SAMD3: variants seen among roughly 807,000 people sequenced by gnomAD.
The protein encoded by SAMD3 is sterile alpha motif domain containing 3.
SAMD3 carries 63 observed loss-of-function variants against 58.5 expected under a neutral mutation model. The ratio of observed to expected loss-of-function variants is 1.08; its 90% CI spans 0.88 to 1.33. The LOEUF is 1.33. Ranked by LOEUF, SAMD3 falls within the 40% of genes most tolerant of loss-of-function variation. The pLI is 0.00. For missense variants in SAMD3, 604 were observed against 608.4 expected (o/e 0.99, Z 0.08); for synonymous variants, 220 against 210.3 (o/e 1.05, Z -0.40).
Position 130,242,194 on chromosome 6 carries a change from G to T in SAMD3, c.-187-19381C>A, listed in dbSNP as rs372560294. Among the ~76,000 whole-genome samples, 460 of 152,264 alleles carry T rather than the reference G, an allele frequency of 3.0e-3. 3 individuals carry two copies. Among genetic ancestry groups the T allele is most frequent in the African/African-American group, 0.01 (430 of 41,534 alleles). Reference sequence around the variant, plus strand: ...ATCTAAAGCCTATCAAGGGAGAATAGGTTGGCAATTTTTTTTTCTATAAAG... The same window carrying T: ...ATCTAAAGCCTATCAAGGGAGAATATGTTGGCAATTTTTTTTTCTATAAAG... On this transcript the variant is annotated intron_variant, in intron 2 of 13. Transcript: ENST00000368134.
chr6:130,292,263 CTTTCTTTCT>C (rs1775388876), intron 2 of SAMD3, among the ~76,000 whole-genome samples: 3 of 125,824 alleles, frequency 2.4e-5, no homozygotes, highest in South Asian at 2.6e-4. Context: ...CTTTTTTTTT[CTTTCTTTCT>C]TTTTTTTTTT....
chr6:130,206,839 G>A (rs1041701508), intron 5 of SAMD3, among the ~76,000 whole-genome samples: 6 of 152,100 alleles, frequency 3.9e-5, no homozygotes, highest in Non-Finnish European at 8.8e-5. Flanking sequence ...TTAAGTGTGG[G>A]GCTGGTCCTT....
At chr6:130,334,601 CCTT>C (rs1199824331) in intron 1 of SAMD3, among the ~76,000 whole-genome samples, 1 of 152,208 alleles carries the variant, frequency 6.6e-6, no homozygotes, top group Non-Finnish European at 1.5e-5. Context: ...CTGAGATTCA[CCTT>C]CTTGATATAT....
At chr6:130,351,495 A>G (rs947709764) in intron 1 of SAMD3, among the ~76,000 whole-genome samples, 9 of 152,242 alleles carry the variant, frequency 5.9e-5, no homozygotes, top group Non-Finnish European at 1.3e-4. Context: ...ATCACTGGCC[A>G]TCAGAGAAAT....
Position 130,144,464 on chromosome 6 carries a change from C to CTT in SAMD3, c.*54_*55dup. 6.5e-7 allele frequency: 1 copy of CTT among 1,544,550 alleles called. No individual in the cohort carries two copies. The highest frequency in any genetic ancestry group is 8.8e-7 in the Non-Finnish European group (1 of 1,140,788). Reference sequence around the variant, plus strand: ...CCACAACCCTAAATCAAAACAATTTCTTATGAAGCTTCAGTTTTCCCAGAG... The same window carrying CTT: ...CCACAACCCTAAATCAAAACAATTTCTTTTATGAAGCTTCAGTTTTCCCAGAG... On this transcript the variant is annotated 3_prime_UTR_variant, in exon 12 of 12. Transcript: ENST00000439090.
chr6:130,182,609 AAGG>A (rs758657089), intron 7 of SAMD3, among the ~76,000 whole-genome samples: 19 of 149,666 alleles, frequency 1.3e-4, no homozygotes, highest in Admixed American at 2.0e-4. Flanking sequence ...GGAAGAAAGG[AAGG>A]AGGGAAGAAA....
At chr6:130,342,819 T>C (rs1367588713) in intron 1 of SAMD3, among the ~76,000 whole-genome samples, 2 of 152,194 alleles carry the variant, frequency 1.3e-5, no homozygotes, top group Non-Finnish European at 2.9e-5. Flanking sequence ...TATTCAAATC[T>C]GATAAAATTC....
At chr6:130,343,821 C>T (rs1055976985) in intron 1 of SAMD3, among the ~76,000 whole-genome samples, 2 of 151,882 alleles carry the variant, frequency 1.3e-5, no homozygotes, top group Non-Finnish European at 2.9e-5. Flanking sequence ...AAAAATTAAC[C>T]GGGCATGGTG....
chr6:130,270,627 A>T (rs138654592), intron 2 of SAMD3, among the ~76,000 whole-genome samples: 4 of 152,336 alleles, frequency 2.6e-5, no homozygotes, highest in East Asian at 3.9e-4. Flanking sequence ...TAGTCTAAAC[A>T]TCACTTTTTC....
chr6:130,364,196 T>G (rs1258316827), intron 1 of SAMD3, among the ~76,000 whole-genome samples: 1 of 152,232 alleles, frequency 6.6e-6, no homozygotes, highest in Non-Finnish European at 1.5e-5. Flanking sequence ...CACTAAAATC[T>G]GAGTTCATAG....
chr6:130,181,339 A>G (rs1792316971), intron 7 of SAMD3, among the ~76,000 whole-genome samples: 1 of 152,140 alleles, frequency 6.6e-6, no homozygotes, highest in African/African-American at 2.4e-5. Flanking sequence ...CCTGCCTCCC[A>G]TTAATGTTCT....
chr6:130,330,638 C>T (rs1401192801), intron 1 of SAMD3, among the ~76,000 whole-genome samples: 1 of 152,108 alleles, frequency 6.6e-6, no homozygotes, highest in Non-Finnish European at 1.5e-5. Flanking sequence ...GTAACTGATA[C>T]TCCTGAGCTA....
intron 8 of SAMD3, among the ~76,000 whole-genome samples, chr6:130,174,802 C>T (rs951138926): frequency 6.6e-6 from 1 of 152,146 alleles, no homozygotes; most frequent in South Asian, 2.1e-4. Context: ...TCTTGACTGA[C>T]CTATTATTTT....
rs941596016 is a variant in SAMD3 at position 130,349,228 on chromosome 6, C to T, written c.-304+15892G>A. On this transcript the variant is annotated intron_variant, in intron 1 of 13. Coordinates refer to the SAMD3 transcript ENST00000368134. The stretch of plus-strand genomic sequence containing the variant: ...TCAGAAGGCAAGAAATAACTAAGAT[C>T]AGAGCAGAACTGAAGGAAATAGAGA... Among the ~76,000 whole-genome samples the T allele has an allele frequency of 1.4e-3, 206 of 152,196 alleles. 1 individual carries two copies. The highest frequency in any genetic ancestry group is 2.0e-3 in the Non-Finnish European group (135 of 68,002).
chr6:130,272,112 CTT>C (rs1344567835), intron 2 of SAMD3, among the ~76,000 whole-genome samples: 1 of 152,108 alleles, frequency 6.6e-6, no homozygotes, highest in Non-Finnish European at 1.5e-5. Flanking sequence ...AAATAATACT[CTT>C]ATATTGTTAC....
In SAMD3 at chr6:130,209,610, T is replaced by G; in HGVS notation, c.270-2A>C. On this transcript the variant is annotated splice_acceptor_variant, in intron 4 of 11. Coordinates refer to ENST00000439090, the MANE Select transcript of SAMD3 (RefSeq NM_001017373.4). LOFTEE classifies it high-confidence loss of function. ...CTGGAGGACTCTTCATCCCTGTAACTAAGAAAGAAGAGGTGGGTCAGGCAC... is the reference window on the plus strand; with the variant it reads ...CTGGAGGACTCTTCATCCCTGTAACGAAGAAAGAAGAGGTGGGTCAGGCAC... 6.3e-7 allele frequency: 1 copy of G among 1,593,476 alleles called. No individual in the cohort carries two copies. The highest frequency in any genetic ancestry group is 1.3e-5 in the African/African-American group (1 of 74,592).
At chr6:130,168,041 G>T (rs1289441429) in intron 8 of SAMD3, among the ~76,000 whole-genome samples, 3 of 152,312 alleles carry the variant, frequency 2.0e-5, no homozygotes, top group South Asian at 4.2e-4. Context: ...AATGCAGTGG[G>T]TGGAGGGTTA....
At chr6:130,194,633 C>T (rs1793906246) in intron 5 of SAMD3, among the ~76,000 whole-genome samples, 2 of 152,326 alleles carry the variant, frequency 1.3e-5, no homozygotes, top group South Asian at 2.1e-4. Flanking sequence ...AGAAATCTGG[C>T]CACTGGGCCA....
chr6:130,272,833 C>A (rs892312164), intron 2 of SAMD3, among the ~76,000 whole-genome samples: 2 of 152,082 alleles, frequency 1.3e-5, no homozygotes, highest in African/African-American at 2.4e-5. Context: ...GACATGCCAC[C>A]ATAATTAGGT....
Sources: allele counts gnomAD v4.1 joint callset (sites outside exome capture counted in the v4.1 genomes callset), GRCh38; gene constraint gnomAD v4.1.1; transcripts MANE v1.5; gene names NCBI Gene and HGNC (gene_info 2026-07-23, HGNC 2026-07-21).